The following TNFSF4 variants were observed in gnomAD, a reference collection of about 807,000 sequenced individuals.
TNFSF4 encodes the protein tumor necrosis factor ligand superfamily member 4.
In TNFSF4, 4 loss-of-function variants were observed where a neutral mutation model predicts 7.3. The ratio of observed to expected loss-of-function variants is 0.55; its 90% CI spans 0.27 to 1.25. The LOEUF is 1.25. Among genes scored for constraint, TNFSF4 ranks in the 50% most tolerant of loss-of-function variants. The pLI, the probability that TNFSF4 is intolerant of heterozygous loss-of-function variation, is 0.12. For missense variants in TNFSF4, 181 were observed against 208.8 expected (o/e 0.87, Z 0.82); for synonymous variants, 76 against 83.7 (o/e 0.91, Z 0.50).
chr1:173,296,287 T>A, the TNFSF4 span, among the ~76,000 whole-genome samples: 1 of 152,002 alleles, frequency 6.6e-6, no homozygotes, highest in Non-Finnish European at 1.5e-5. Context: ...AAATGACATG[T>A]CTCATTACGT....
chr1:173,180,717 G>A (rs920857004), downstream of TNFSF4, among the ~76,000 whole-genome samples: 4 of 152,186 alleles, frequency 2.6e-5, no homozygotes, highest in African/African-American at 9.7e-5. Flanking sequence ...TAAAGGGATA[G>A]AAATAGTATT....
the TNFSF4 span, among the ~76,000 whole-genome samples, chr1:173,371,408 G>A: frequency 0.059 from 9,012 of 152,164 alleles, 909 homozygotes; most frequent in African/African-American, 0.2. Context: ...TTACCCATTT[G>A]TTGTCCCCTG....
At chr1:173,347,933 C>T in the TNFSF4 span, among the ~76,000 whole-genome samples, 1 of 152,174 alleles carries the variant, frequency 6.6e-6, no homozygotes, top group South Asian at 2.1e-4. Flanking sequence ...CAGATATTGC[C>T]AAATGTTCCT....
At chr1:173,416,074 T>C in the TNFSF4 span, among the ~76,000 whole-genome samples, 15 of 152,122 alleles carry the variant, frequency 9.9e-5, no homozygotes, top group Non-Finnish European at 1.8e-4. Context: ...TGGTGAGCTG[T>C]CCAAATCAAT....
At chr1:173,231,327 A>G in the TNFSF4 span, among the ~76,000 whole-genome samples, 2 of 152,262 alleles carry the variant, frequency 1.3e-5, no homozygotes, top group Non-Finnish European at 2.9e-5. Context: ...GCATATAAAC[A>G]GAACCAAAGG....
chr1:173,368,503 T>C, the TNFSF4 span, among the ~76,000 whole-genome samples: 1 of 152,180 alleles, frequency 6.6e-6, no homozygotes, highest in Non-Finnish European at 1.5e-5. Flanking sequence ...CAGGCACCTG[T>C]TGGCCAGTTA....
the TNFSF4 span, among the ~76,000 whole-genome samples, chr1:173,174,807 G>A: frequency 6.6e-6 from 1 of 152,068 alleles, no homozygotes; most frequent in South Asian, 2.1e-4. Context: ...ATGAAAGCTG[G>A]TATCTCATAC....
At chr1:173,234,182 C>A in the TNFSF4 span, among the ~76,000 whole-genome samples, 19,621 of 152,186 alleles carry the variant, frequency 0.13, 1,415 homozygotes, top group South Asian at 0.17. Context: ...ATGCAGCCAA[C>A]AGGCACATGA....
At chr1:173,226,077 T>C in the TNFSF4 span, among the ~76,000 whole-genome samples, 1 of 152,220 alleles carries the variant, frequency 6.6e-6, no homozygotes, top group South Asian at 2.1e-4. Flanking sequence ...GAATCAGGTA[T>C]TTATTTGGGT....
the TNFSF4 span, among the ~76,000 whole-genome samples, chr1:173,280,257 C>T: frequency 1.3e-5 from 2 of 152,102 alleles, no homozygotes; most frequent in Admixed American, 1.3e-4. Flanking sequence ...TCAAGAGAGG[C>T]TGGATACCAC....
Position 173,186,778 on chromosome 1 carries a change from C to T in TNFSF4, c.290G>A (p.Cys97Tyr). 6.2e-7 allele frequency: 1 copy of T among 1,614,094 alleles called. No homozygotes were observed. Among genetic ancestry groups the T allele is most frequent in the Non-Finnish European group, 8.5e-7 (1 of 1,179,992 alleles). ...KVQNNSVIINCDGFYLISLKG... is the reference protein window; with the variant it reads ...KVQNNSVIINYDGFYLISLKG... ...CAGGGAGATGAGATAAAACCCATCA[C>T]AGTTGATGATGACTGAGTTGTTCTG... is the stretch of plus-strand genomic sequence containing the variant. The change falls in exon 3 of 3, where the codon TGT becomes TAT. Residue 97 changes from cysteine to tyrosine, a missense_variant. Transcript: ENST00000281834.
At chr1:173,364,379 G>GTATATATATATATATA in the TNFSF4 span, among the ~76,000 whole-genome samples, 4 of 109,104 alleles carry the variant, frequency 3.7e-5, no homozygotes, top group South Asian at 8.2e-4. Flanking sequence ...TGGGGTGTAT[G>GTATATATATATATATA]TGTATATATA....
At chr1:173,209,350 T>A (rs996947963), upstream of TNFSF4, among the ~76,000 whole-genome samples, 1 of 152,176 alleles carries the variant, frequency 6.6e-6, no homozygotes, top group Non-Finnish European at 1.5e-5. Flanking sequence ...TTTGAACAAA[T>A]GAAATCACTA....
the TNFSF4 span, among the ~76,000 whole-genome samples, chr1:173,370,674 G>A: frequency 1.3e-5 from 2 of 152,100 alleles, no homozygotes; most frequent in Admixed American, 6.6e-5. Flanking sequence ...CTCCAAAAGC[G>A]AGCCCTGGGC....
the TNFSF4 span, among the ~76,000 whole-genome samples, chr1:173,261,283 G>T: frequency 6.6e-6 from 1 of 152,136 alleles, no homozygotes; most frequent in Non-Finnish European, 1.5e-5. Context: ...AAACTAGTGA[G>T]AACAAAGAGA....
chr1:173,349,034 T>C, the TNFSF4 span, among the ~76,000 whole-genome samples: 1 of 151,324 alleles, frequency 6.6e-6, no homozygotes, highest in African/African-American at 2.5e-5. Context: ...TTTATTATTA[T>C]TATTATTTTT....
At chr1:173,325,219 A>G in the TNFSF4 span, among the ~76,000 whole-genome samples, 2 of 152,212 alleles carry the variant, frequency 1.3e-5, no homozygotes, top group Non-Finnish European at 2.9e-5. Flanking sequence ...CTCAGTCAAA[A>G]CCGCTCAACT....
intron 1 of TNFSF4, among the ~76,000 whole-genome samples, chr1:173,204,304 AT>A (rs1650083672): frequency 6.6e-6 from 1 of 152,252 alleles, no homozygotes. Context: ...AATACAGATT[AT>A]AAAAATCAAG....
chr1:173,183,572 C>T (rs541633258), downstream of TNFSF4, among the ~76,000 whole-genome samples: 18 of 152,258 alleles, frequency 1.2e-4, no homozygotes, highest in African/African-American at 4.1e-4. Flanking sequence ...CAAAGATGGG[C>T]TTTGCCACCT....
Sources: allele counts gnomAD v4.1 joint callset (sites outside exome capture counted in the v4.1 genomes callset), GRCh38; gene constraint gnomAD v4.1.1; transcripts MANE v1.5; gene names NCBI Gene and HGNC (gene_info 2026-07-23, HGNC 2026-07-21).